The following GPHN variants were observed in gnomAD, a reference collection of about 807,000 sequenced individuals.
GPHN encodes gephyrin.
A neutral mutation model predicts 95.5 loss-of-function variants in GPHN; 17 were observed. That is an observed-to-expected ratio of 0.18 (90% CI 0.12 to 0.27). GPHN has a LOEUF of 0.27. Ranked by LOEUF, GPHN falls within the 10% of genes least tolerant of loss-of-function variation. The probability of loss-of-function intolerance (pLI) is 1.00; values close to 1 mark genes in which losing one functional copy is unlikely to be tolerated. For synonymous variants in GPHN, 320 were observed against 322.5 expected, an observed-to-expected ratio of 0.99 and a Z score of 0.08; for missense variants, 660 against 978.1, an observed-to-expected ratio of 0.67 and a Z score of 4.34.
chr14:66,821,093 G>A (rs528925162), intron 3 of GPHN, among the ~76,000 whole-genome samples: 9 of 152,234 alleles, frequency 5.9e-5, no homozygotes, highest in Admixed American at 1.3e-4. Flanking sequence ...ATTTGGTAGA[G>A]GCAGCTGAAT....
chr14:67,508,673 G>A, the GPHN span, among the ~76,000 whole-genome samples: 1 of 146,972 alleles, frequency 6.8e-6, no homozygotes, highest in African/African-American at 2.5e-5. Context: ...TTGAGCCCAG[G>A]AGATAGAGGG....
Position 66,880,046 on chromosome 14 carries a change from C to T in GPHN, c.389+13C>T. 6.6e-7 allele frequency: 1 copy of T among 1,505,778 alleles called. No individual in the cohort carries two copies. Among genetic ancestry groups the T allele is most frequent in the Non-Finnish European group, 9.2e-7 (1 of 1,081,668 alleles). 93.3% of individuals were successfully genotyped at this position (1,505,778 alleles called of 1,614,324 possible). On this transcript the variant is annotated intron_variant, in intron 5 of 22. Coordinates refer to ENST00000478722, the MANE Select transcript of GPHN (RefSeq NM_020806.5). ...GCATGCTCTCTAGGTAAGAAAGTCA[C>T]CAACATGTTGCAAACCATTTGCTAG... is the stretch of plus-strand genomic sequence containing the variant.
chr14:66,891,989 A>G lies in GPHN; in HGVS notation c.389+11956A>G, dbSNP rs537918348. 2.0e-5 allele frequency among the ~76,000 whole-genome samples: 3 copies of G among 152,286 alleles called. No individual in the cohort carries two copies. The South Asian group carries it at 6.2e-4, about 32-fold the overall frequency. On this transcript the variant is annotated intron_variant, in intron 5 of 22. Transcript: ENST00000478722. ...AATAATAATAAATAAGTGGTGGCAGAATGTTTAGAAACATTGTGTATTGCT... is the reference window on the plus strand; with the variant it reads ...AATAATAATAAATAAGTGGTGGCAGGATGTTTAGAAACATTGTGTATTGCT...
At chr14:67,098,228 G>T (rs182310888) in intron 12 of GPHN, among the ~76,000 whole-genome samples, 88 of 152,210 alleles carry the variant, frequency 5.8e-4, no homozygotes, top group Non-Finnish European at 1.1e-3. Flanking sequence ...AATAGAAGCA[G>T]CGTCTAGGTT....
the GPHN span, among the ~76,000 whole-genome samples, chr14:67,481,788 C>G: frequency 6.6e-6 from 1 of 152,180 alleles, no homozygotes; most frequent in Non-Finnish European, 1.5e-5. Context: ...TCCACTAGCT[C>G]CTTGCTCAGC....
At chr14:66,840,720 T>G (rs191680942) in intron 4 of GPHN, among the ~76,000 whole-genome samples, 1 of 124,036 alleles carries the variant, frequency 8.1e-6, no homozygotes, top group Non-Finnish European at 1.6e-5. Flanking sequence ...AGATCACTTA[T>G]AGAGTGCAGG....
chr14:67,356,086 A>G, the GPHN span, among the ~76,000 whole-genome samples: 3 of 152,186 alleles, frequency 2.0e-5, no homozygotes, highest in Admixed American at 6.5e-5. Flanking sequence ...TTAAGGGGAT[A>G]TAATTTCATA....
At chr14:67,732,095 C>T in the GPHN span, among the ~76,000 whole-genome samples, 2 of 148,452 alleles carry the variant, frequency 1.3e-5, no homozygotes, top group Non-Finnish European at 3.0e-5. Flanking sequence ...CCACTGCACT[C>T]CAGCCTGGGC....
the GPHN span, among the ~76,000 whole-genome samples, chr14:67,465,697 G>C: frequency 6.6e-6 from 1 of 152,192 alleles, no homozygotes; most frequent in Non-Finnish European, 1.5e-5. Context: ...TTGAATGGTG[G>C]CCCACCAAAA....
chr14:67,645,042 G>T, the GPHN span, among the ~76,000 whole-genome samples: 1 of 151,732 alleles, frequency 6.6e-6, no homozygotes, highest in East Asian at 1.9e-4. Context: ...TATATATAAG[G>T]TAACATGCAA....
chr14:67,685,197 G>C, the GPHN span: 3 of 1,610,776 alleles, frequency 1.9e-6, no homozygotes, highest in Admixed American at 5.0e-5. Flanking sequence ...ACGTCGTAAC[G>C]CCAGAGCCTG....
chr14:67,623,125 T>C, the GPHN span, among the ~76,000 whole-genome samples: 1 of 152,168 alleles, frequency 6.6e-6, no homozygotes, highest in South Asian at 2.1e-4. Flanking sequence ...GACTGGTAGC[T>C]CAGTATCACC....
intron 4 of GPHN, among the ~76,000 whole-genome samples, chr14:66,852,752 C>T (rs949501377): frequency 6.6e-6 from 1 of 151,852 alleles, no homozygotes; most frequent in African/African-American, 2.4e-5. Flanking sequence ...AAGAACAGTG[C>T]CTATCAATGT....
chr14:67,674,307 G>A, the GPHN span: 139 of 1,395,422 alleles, frequency 1.0e-4, no homozygotes, highest in Non-Finnish European at 1.2e-4. Flanking sequence ...TGGGAGGAAG[G>A]TGGGAGAATC....
intron 16 of GPHN, among the ~76,000 whole-genome samples, chr14:67,120,217 G>C (rs1344933389): frequency 6.6e-6 from 1 of 151,486 alleles, no homozygotes; most frequent in African/African-American, 2.4e-5. Context: ...TGGAGATGAT[G>C]GGTTATGTTT....
the GPHN span, among the ~76,000 whole-genome samples, chr14:67,640,407 T>C: frequency 6.6e-6 from 1 of 152,240 alleles, no homozygotes; most frequent in African/African-American, 2.4e-5. Flanking sequence ...GTTTTCTGTC[T>C]TGTTTCCAAT....
chr14:67,321,158 G>A, the GPHN span: 2 of 1,614,078 alleles, frequency 1.2e-6, no homozygotes, highest in African/African-American at 1.3e-5. Context: ...AAAGTTCATT[G>A]AGCATGGTGA....
chr14:66,764,953 C>T (rs1431444382), intron 2 of GPHN, among the ~76,000 whole-genome samples: 1 of 152,038 alleles, frequency 6.6e-6, no homozygotes, highest in Non-Finnish European at 1.5e-5. Context: ...CATGTATGCA[C>T]TTAGTTGCTT....
the GPHN span, among the ~76,000 whole-genome samples, chr14:67,368,359 A>G: frequency 6.6e-6 from 1 of 152,204 alleles, no homozygotes; most frequent in Non-Finnish European, 1.5e-5. Context: ...GCTGCTCTGC[A>G]TAAGAAAGGC....
Sources: gnomAD v4.1 joint callset for allele counts (sites outside exome capture counted in the v4.1 genomes callset) on GRCh38, gnomAD v4.1.1 for gene constraint, MANE v1.5 for transcripts, NCBI Gene and HGNC (gene_info 2026-07-23, HGNC 2026-07-21) for gene names.